ZNF844: variants seen among roughly 807,000 people sequenced by gnomAD.
The protein encoded by ZNF844 is zinc finger protein 844.
In ZNF844, 11 loss-of-function variants were observed where a neutral mutation model predicts 11.4. The ratio of observed to expected loss-of-function variants is 0.97; its 90% CI spans 0.61 to 1.60. ZNF844 has a LOEUF of 1.60. Ranked by LOEUF, ZNF844 falls within the 40% of genes most tolerant of loss-of-function variation. The pLI is 0.00. For missense variants in ZNF844, 790 were observed against 796.8 expected, an observed-to-expected ratio of 0.99 and a Z score of 0.10; for synonymous variants, 248 against 260.3, an observed-to-expected ratio of 0.95 and a Z score of 0.46.
chr19:12,072,912 T>G (rs1975766598), intron 1 of ZNF844, among the ~76,000 whole-genome samples: 1 of 152,058 alleles, frequency 6.6e-6, no homozygotes. Context: ...TTTAGTTGAA[T>G]GTAAGAATTC....
intron 2 of ZNF844, 58 bp downstream of exon 2, chr19:12,074,215 A>T: frequency 6.2e-7 from 1 of 1,604,852 alleles, no homozygotes; most frequent in Non-Finnish European, 8.5e-7. Context: ...TAGCTCATTA[A>T]TGCTATTCCT....
intron 1 of ZNF844, among the ~76,000 whole-genome samples, chr19:12,069,349 A>AT (rs1303926159): frequency 1.3e-5 from 2 of 151,058 alleles, no homozygotes; most frequent in South Asian, 2.1e-4. Context: ...TGCCCGGCTA[A>AT]TTTTTTGTAT....
At chr19:12,067,951 A>AAGGAAG (rs1555717793) in intron 1 of ZNF844, among the ~76,000 whole-genome samples, 369 of 14,620 alleles carry the variant, frequency 0.025, 1 homozygote, top group East Asian at 0.054. Context: ...AAAGAAGGAA[A>AAGGAAG]GAAGGAAAGA....
In ZNF844 at chr19:12,074,351, T is replaced by A. The variant is rs1448282095; in HGVS notation, c.131-10T>A. The A allele has an allele frequency of 1.3e-6, 2 of 1,519,584 alleles. No homozygotes were observed. Among genetic ancestry groups the A allele is most frequent in the Admixed American group, 2.3e-5 (1 of 42,554 alleles). The allele number at this position is 1,519,584 out of a possible 1,614,324, so 94.1% of individuals were successfully genotyped here. ...TAATTCAGGATTCTTTTTCTGATTC[T>A]GTATTTTAGGAGAAAAATGGAAAGA... On this transcript the variant is annotated splice_polypyrimidine_tract_variant and intron_variant, in intron 2 of 3. Transcript: ENST00000439326.
rs749170412 is a variant in ZNF844 at position 12,075,740 on chromosome 19, C to G, written c.620C>G (p.Pro207Arg). The change falls in exon 4 of 4, where the codon CCT (proline) becomes CGT (arginine). Residue 207 changes from proline to arginine, a missense_variant. Coordinates refer to ENST00000439326, the MANE Select transcript of ZNF844 (RefSeq NM_001136501.3). ...YKCKFCGKAC[P>R]CLSIYLIHER... ...TGTAAGTTTTGTGGGAAAGCCTGCC[C>G]TTGTCTCAGCATATATCTTATACAT... 7 of 1,613,894 alleles carry G rather than the reference C, an allele frequency of 4.3e-6. No individual in the cohort carries two copies. The South Asian group carries it at 6.6e-5, about 15-fold the overall frequency.
chr19:12,072,077 G>A (rs1200319983), intron 1 of ZNF844, among the ~76,000 whole-genome samples: 1 of 151,912 alleles, frequency 6.6e-6, no homozygotes, highest in African/African-American at 2.4e-5. Context: ...AGTAGAGATG[G>A]GGTTTCACCA....
intron 1 of ZNF844, among the ~76,000 whole-genome samples, chr19:12,071,153 A>G (rs1975749000): frequency 6.6e-6 from 1 of 152,136 alleles, no homozygotes; most frequent in Non-Finnish European, 1.5e-5. Context: ...CACGTTCCAG[A>G]ACACTCCCTC....
In ZNF844 at chr19:12,075,784, G is replaced by A. The variant is rs766955948; in HGVS notation, c.664G>A (p.Glu222Lys). 5.0e-6 allele frequency: 8 copies of A among 1,612,604 alleles called. No homozygotes were observed. In the South Asian group the frequency reaches 7.7e-5, roughly 16 times the overall value. Reference sequence around the variant, plus strand: ...TATACATGAACGAGTTCACACTGGAGAGAAACCATATAAATGTAAACAATG... The same window carrying A: ...TATACATGAACGAGTTCACACTGGAAAGAAACCATATAAATGTAAACAATG... The part of the protein sequence containing the change: ...YLIHERVHTG[E>K]KPYKCKQCGK... Residue 222 changes from glutamate (E) to lysine (K), a missense_variant, in exon 4 of 4, where the codon GAG becomes AAG. Around this residue, in one of 3 missense-constraint regions of ZNF844, gnomAD observed 657 missense variants for 636.2 expected, o/e 1.03. Transcript: ENST00000439326.
chr19:12,069,179 C>T (rs112927280), intron 1 of ZNF844, among the ~76,000 whole-genome samples: 13,347 of 120,742 alleles, frequency 0.11, 1,279 homozygotes, highest in African/African-American at 0.26. Flanking sequence ...TCTTTTATTC[C>T]TTTTTTTTTT....
intron 1 of ZNF844, among the ~76,000 whole-genome samples, chr19:12,072,488 G>C (rs1179264672): frequency 6.6e-6 from 1 of 150,882 alleles, no homozygotes; most frequent in African/African-American, 2.4e-5. Flanking sequence ...CATAAAGATT[G>C]AGCCATTTTG....
chr19:12,076,216 T>G lies in ZNF844; in HGVS notation c.1096T>G (p.Cys366Gly). ...GCACACTAGAATGAGACCTTATAAA[T>G]GTAAGACTGTGGAAAAGCCTTTGAT... ...KMHTRMRPYK[C>G]KTVEKPLILP... The change falls in exon 4 of 4, where the codon TGT (cysteine) becomes GGT (glycine). Residue 366 changes from cysteine to glycine, a missense_variant. Physicochemically the swap from Cys to Gly is radical, Grantham distance 159 (BLOSUM62 -3). This residue lies in a region of ZNF844 where 657 missense variants were observed against 636.2 expected (regional missense o/e 1.03). Coordinates refer to ENST00000439326, the MANE Select transcript of ZNF844 (RefSeq NM_001136501.3). 1 of 1,598,326 alleles carries G rather than the reference T, an allele frequency of 6.3e-7. No individual in the cohort carries two copies. Among genetic ancestry groups the G allele is most frequent in the East Asian group, 2.3e-5 (1 of 43,928 alleles).
chr19:12,075,839 T>C lies in ZNF844; in HGVS notation c.719T>C (p.Leu240Pro). The change falls in exon 4 of 4, where the codon CTT becomes CCT. Residue 240 changes from leucine (L) to proline (P), a missense_variant. Leu to Pro is a moderately conservative substitution (Grantham distance 98). This residue lies in a region of ZNF844 where 657 missense variants were observed against 636.2 expected (regional missense o/e 1.03). Coordinates refer to ENST00000439326, the MANE Select transcript of ZNF844 (RefSeq NM_001136501.3). ...AAAGCCTTTAGTTATTCAACTTCCC[T>C]TCAAATACATGAAAGAACTCACACT... ...CGKAFSYSTS[L>P]QIHERTHTGE... The C allele has an allele frequency of 6.2e-7, 1 of 1,610,946 alleles. No homozygotes were observed. The highest frequency in any genetic ancestry group is 8.5e-7 in the Non-Finnish European group (1 of 1,178,752).
At chr19:12,072,005 G>C (rs989268185) in intron 1 of ZNF844, among the ~76,000 whole-genome samples, 19 of 151,464 alleles carry the variant, frequency 1.3e-4, no homozygotes, top group Admixed American at 1.3e-3. Flanking sequence ...CTCTGCCTCA[G>C]CCTCCCAAGT....
intron 1 of ZNF844, among the ~76,000 whole-genome samples, chr19:12,071,917 TCA>T (rs1975757531): frequency 6.6e-6 from 1 of 150,806 alleles, no homozygotes; most frequent in Non-Finnish European, 1.5e-5. Context: ...AGATGGAGTC[TCA>T]CTCTCTCACA....
At position 12,077,260 on chromosome 19, in the gene ZNF844, G is replaced by A. The variant is rs1407678324; in HGVS notation, c.*139G>A. The stretch of plus-strand genomic sequence containing the variant: ...GCCTTCATTTCTTCCACTGCCATTC[G>A]TAGACATGAAAGGACTCACACTGGA... On this transcript the variant is annotated 3_prime_UTR_variant, in exon 4 of 4. Coordinates refer to ENST00000439326, the MANE Select transcript of ZNF844 (RefSeq NM_001136501.3). The A allele has an allele frequency of 2.2e-5, 32 of 1,435,844 alleles. No individual in the cohort carries two copies. The highest frequency in any genetic ancestry group is 1.0e-4 in the South Asian group (9 of 86,650). The allele number at this position is 1,435,844 out of a possible 1,614,324, so 88.9% of individuals were successfully genotyped here. A position where few individuals can be genotyped will look rare whatever the true frequency, so the allele number is the denominator to read the frequency against.
Position 12,075,992 on chromosome 19 carries a change from G to C in ZNF844, c.872G>C (p.Arg291Thr), listed in dbSNP as rs1414259421. 1.1e-5 allele frequency: 17 copies of C among 1,584,230 alleles called. No individual in the cohort carries two copies. Among genetic ancestry groups the C allele is most frequent in the Non-Finnish European group, 1.5e-5 (17 of 1,164,848 alleles). ...YECKQCGKAF[R>T]WFHSFQIHER... ...TGCAAACAATGTGGAAAAGCCTTCAGATGGTTCCATTCCTTTCAAATACAT... is the reference window on the plus strand; with the variant it reads ...TGCAAACAATGTGGAAAAGCCTTCACATGGTTCCATTCCTTTCAAATACAT... The change falls in exon 4 of 4, where the codon AGA (arginine) becomes ACA (threonine). Residue 291 changes from arginine to threonine, a missense_variant. Physicochemically the swap from Arg to Thr is moderately conservative, Grantham distance 71. Around this residue, in one of 3 missense-constraint regions of ZNF844, gnomAD observed 657 missense variants for 636.2 expected, o/e 1.03. Coordinates refer to ENST00000439326, the MANE Select transcript of ZNF844 (RefSeq NM_001136501.3).
In ZNF844 at chr19:12,079,693, C is replaced by T. The variant is rs1975872756; in HGVS notation, c.*2572C>T. The T allele has an allele frequency of 6.6e-6, 1 of 152,012 alleles. No homozygotes were observed. The highest frequency in any genetic ancestry group is 1.5e-5 in the Non-Finnish European group (1 of 68,156). The allele number at this position is 152,012 out of a possible 1,614,324, so 9.4% of individuals were successfully genotyped here. A position where few individuals can be genotyped will look rare whatever the true frequency, so the allele number is the denominator to read the frequency against. On this transcript the variant is annotated 3_prime_UTR_variant, in exon 4 of 4. Coordinates refer to ENST00000439326, the MANE Select transcript of ZNF844 (RefSeq NM_001136501.3). ...GGCACGGTGGTTCACGCCTGTAATC[C>T]CAGCACTTTGGGAGACCAAGGCAGG...
rs1468590379 is a variant in ZNF844 at position 12,074,101 on chromosome 19, A to G, written c.74A>G (p.Gln25Arg). 1 of 1,613,692 alleles carries G rather than the reference A, an allele frequency of 6.2e-7. No individual in the cohort carries two copies. The highest frequency in any genetic ancestry group is 8.5e-7 in the Non-Finnish European group (1 of 1,179,858). The change falls in exon 2 of 4, where the codon CAG becomes CGG. Residue 25 changes from glutamine (Q) to arginine (R), a missense_variant. This residue lies in a region of ZNF844 where 129 missense variants were observed against 144.0 expected (regional missense o/e 0.90). Coordinates refer to ENST00000439326, the MANE Select transcript of ZNF844 (RefSeq NM_001136501.3). ...QEEWSLLDPS[Q>R]KNLYREVMQE... The stretch of plus-strand genomic sequence containing the variant: ...GAGTGGTCTTTGCTGGATCCTTCCC[A>G]GAAGAATCTCTACAGAGAAGTGATG...
intron 1 of ZNF844, among the ~76,000 whole-genome samples, chr19:12,073,316 C>T (rs928840854): frequency 2.1e-4 from 32 of 152,082 alleles, no homozygotes; most frequent in African/African-American, 7.5e-4. Flanking sequence ...TACACCACCA[C>T]GCCCAGCTAA....
Sources: allele counts gnomAD v4.1 joint callset (sites outside exome capture counted in the v4.1 genomes callset), GRCh38; gene constraint gnomAD v4.1.1; regional missense constraint gnomAD v4.1.1; transcripts MANE v1.5; gene names NCBI Gene and HGNC (gene_info 2026-07-23, HGNC 2026-07-21).